The following PIK3AP1 variants were observed in gnomAD, a reference collection of about 807,000 sequenced individuals.
PIK3AP1 encodes phosphoinositide 3-kinase adapter protein 1.
PIK3AP1 carries 21 observed loss-of-function variants against 88.1 expected under a neutral mutation model. The ratio of observed to expected loss-of-function variants is 0.24; its 90% CI spans 0.17 to 0.34. The LOEUF (loss-of-function observed/expected upper bound fraction) is 0.34, where lower values mean the gene tolerates loss of function less well. Among genes scored for constraint, PIK3AP1 ranks in the 10% least tolerant of loss-of-function variants. PIK3AP1 has a pLI of 1.00. For synonymous variants in PIK3AP1, 398 were observed against 400.0 expected, an observed-to-expected ratio of 1.00 and a Z score of 0.06; for missense variants, 828 against 1,035.7, an observed-to-expected ratio of 0.80 and a Z score of 2.75.
intron 8 of PIK3AP1, chr10:96,633,059 T>C (rs41291642): frequency 0.042 from 66,556 of 1,595,618 alleles, 1,658 homozygotes; most frequent in Middle Eastern, 0.089. Context: ...AAAAACCTCA[T>C]GTCCTACAAG....
rs576056833 is a variant in PIK3AP1, at chr10:96,628,363, C to T, written c.1471+35G>A. On this transcript the variant is annotated intron_variant, in intron 9 of 16. Coordinates refer to ENST00000339364, the MANE Select transcript of PIK3AP1 (RefSeq NM_152309.3). ...ATGTCTTGCATTTGTTTCTCTTTTG[C>T]TCTTTTGGCTTCCCTGCTCATGGCT... The T allele has an allele frequency of 5.3e-6, 8 of 1,511,446 alleles. No individual in the cohort carries two copies. The Admixed American group carries it at 8.4e-5, about 16-fold the overall frequency. The allele number at this position is 1,511,446 out of a possible 1,614,324, so 93.6% of individuals were successfully genotyped here.
chr10:96,628,900 A>ATC (rs1843196054), intron 8 of PIK3AP1, among the ~76,000 whole-genome samples: 1 of 26,326 alleles, frequency 3.8e-5, no homozygotes. Flanking sequence ...ATATATATAT[A>ATC]TATATATGTG....
intron 8 of PIK3AP1, among the ~76,000 whole-genome samples, chr10:96,634,513 C>G (rs1341451580): frequency 1.3e-5 from 2 of 152,194 alleles, no homozygotes; most frequent in African/African-American, 4.8e-5. Context: ...CTGACTCTTA[C>G]TAGCTCTGTG....
At chr10:96,622,150 C>G (rs1388673875) in intron 11 of PIK3AP1, among the ~76,000 whole-genome samples, 1 of 152,276 alleles carries the variant, frequency 6.6e-6, no homozygotes, top group Non-Finnish European at 1.5e-5. Context: ...CAGTGGAATC[C>G]TGACACAGGC....
At chr10:96,604,898 T>C (rs866641056) in intron 14 of PIK3AP1, among the ~76,000 whole-genome samples, 20 of 152,044 alleles carry the variant, frequency 1.3e-4, no homozygotes, top group Middle Eastern at 6.8e-3. Flanking sequence ...TTTGCTTTGT[T>C]ACCCAGGCTG....
chr10:96,705,055 T>A lies in PIK3AP1; in HGVS notation c.430+4512A>T, dbSNP rs1213239596. Among the ~76,000 whole-genome samples the A allele has an allele frequency of 4.6e-5, 7 of 152,338 alleles. 1 individual carries two copies. Among genetic ancestry groups the A allele is most frequent in the Admixed American group, 1.3e-4 (2 of 15,298 alleles). On this transcript the variant is annotated intron_variant, in intron 2 of 16. Coordinates refer to ENST00000339364, the MANE Select transcript of PIK3AP1 (RefSeq NM_152309.3). ...AAATAGTCCTTTTTATCAAAAGGTA[T>A]CTCAAAGTTAAGAAAAATAGACATA...
chr10:96,675,202 T>C (rs763765426), intron 2 of PIK3AP1, among the ~76,000 whole-genome samples: 1 of 150,856 alleles, frequency 6.6e-6, no homozygotes, highest in Non-Finnish European at 1.5e-5. Flanking sequence ...CATATAAGGA[T>C]TTTGTCAGGG....
chr10:96,668,392 C>CAG, intron 2 of PIK3AP1, among the ~76,000 whole-genome samples: 1 of 152,210 alleles, frequency 6.6e-6, no homozygotes, highest in South Asian at 2.1e-4. Flanking sequence ...TATTTTGCTT[C>CAG]CATTTTGTTA....
intron 14 of PIK3AP1, among the ~76,000 whole-genome samples, chr10:96,604,596 G>A (rs1289213559): frequency 6.6e-6 from 1 of 152,002 alleles, no homozygotes; most frequent in Non-Finnish European, 1.5e-5. Flanking sequence ...CATTGACTGA[G>A]GGCTTTGAAA....
intron 10 of PIK3AP1, 125 bp from the exon 11 acceptor site, chr10:96,623,662 G>T (rs1843117924): frequency 1.3e-6 from 1 of 787,474 alleles, no homozygotes; most frequent in Non-Finnish European, 2.0e-6. Flanking sequence ...GTAGAAAGAG[G>T]CAATTAATGA....
intron 16 of PIK3AP1, among the ~76,000 whole-genome samples, chr10:96,599,957 T>C (rs2134178205): frequency 6.6e-6 from 1 of 152,294 alleles, no homozygotes; most frequent in Admixed American, 6.5e-5. Flanking sequence ...TTGGAACCTG[T>C]TTCCCCGGTT....
rs1237330213 is a variant in PIK3AP1 at position 96,623,498 on chromosome 10, T to C, written c.1709A>G (p.Tyr570Cys). ...TTTCCTGATGCTCTCTGAGGAAACG[T>C]AGAAATTCCCAGGCCGCTCTTGACT... is the stretch of plus-strand genomic sequence containing the variant. ...EKSQERPGNF[Y>C]VSSESIRKGP... Residue 570 changes from tyrosine (Y) to cysteine (C), a missense_variant, in exon 11 of 17, where the codon TAC becomes TGC. Transcript: ENST00000339364. 1.9e-6 allele frequency: 3 copies of C among 1,612,356 alleles called. No homozygotes were observed. The highest frequency in any genetic ancestry group is 1.1e-5 in the South Asian group (1 of 91,046).
chr10:96,616,516 G>A lies in PIK3AP1; in HGVS notation c.2014+123C>T, dbSNP rs371100549. Reference sequence around the variant, plus strand: ...ACAGTCTAGTGGGGGACCCAGATCTGTAAACAGTATGACGAGTGCTGGGCA... The same window carrying A: ...ACAGTCTAGTGGGGGACCCAGATCTATAAACAGTATGACGAGTGCTGGGCA... On this transcript the variant is annotated intron_variant, in intron 13 of 16. Coordinates refer to ENST00000339364, the MANE Select transcript of PIK3AP1 (RefSeq NM_152309.3). 19 of 997,532 alleles carry A rather than the reference G, an allele frequency of 1.9e-5. No individual in the cohort carries two copies. The East Asian group carries it at 2.4e-4, about 13-fold the overall frequency. The allele number at this position is 997,532 out of a possible 1,614,324, so 61.8% of individuals were successfully genotyped here.
chr10:96,632,937 G>A, intron 8 of PIK3AP1: 1 of 1,612,758 alleles, frequency 6.2e-7, no homozygotes, highest in Non-Finnish European at 8.5e-7. Flanking sequence ...AAAGATAAAG[G>A]ACACAAGCTA....
chr10:96,720,501 CCGG>C lies in PIK3AP1; in HGVS notation c.-110_-108del. Reference sequence around the variant, plus strand: ...GAGGGGCGCCGGGCTCCGCGCGGGACCGGCCGCCGCTCTGGCGCTTCCTCCCTC... The same window carrying C: ...GAGGGGCGCCGGGCTCCGCGCGGGACCCGCCGCTCTGGCGCTTCCTCCCTC... On this transcript the variant is annotated 5_prime_UTR_variant, in exon 1 of 17. Coordinates refer to ENST00000339364, the MANE Select transcript of PIK3AP1 (RefSeq NM_152309.3). This position sits in a 1 kb window ranked among gnomAD's most constrained non-coding sequence, Gnocchi z 4.6. 9.6e-7 allele frequency: 1 copy of C among 1,041,932 alleles called. No homozygotes were observed. The highest frequency in any genetic ancestry group is 1.2e-6 in the Non-Finnish European group (1 of 828,322). The allele number at this position is 1,041,932 out of a possible 1,614,324, so 64.5% of individuals were successfully genotyped here. A position where few individuals can be genotyped will look rare whatever the true frequency, so the allele number is the denominator to read the frequency against.
chr10:96,718,413 G>A (rs1844530375), intron 1 of PIK3AP1, among the ~76,000 whole-genome samples: 1 of 152,232 alleles, frequency 6.6e-6, no homozygotes. Context: ...TCTCACCACT[G>A]TGATCTTCCC....
In PIK3AP1 at chr10:96,652,818, C is replaced by T; in HGVS notation, c.592G>A (p.Val198Met). The T allele has an allele frequency of 6.2e-7, 1 of 1,613,924 alleles. No homozygotes were observed. Among genetic ancestry groups the T allele is most frequent in the Non-Finnish European group, 8.5e-7 (1 of 1,180,004 alleles). ...CGAETTVYVI[V>M]RCKLDDRVAT... is the part of the protein sequence containing the mutation. ...ACCCTGTCATCCAGCTTACATCTCACAATAACATAGACAGTGGTTTCTGCC... is the reference window on the plus strand; with the variant it reads ...ACCCTGTCATCCAGCTTACATCTCATAATAACATAGACAGTGGTTTCTGCC... The change falls in exon 4 of 17, where the codon GTG (valine) becomes ATG (methionine). Residue 198 changes from valine (V) to methionine (M), a missense_variant. By Grantham distance (21) the Val-to-Met change is conservative. Around this residue, in one of 3 missense-constraint regions of PIK3AP1, gnomAD observed 610 missense variants for 760.1 expected, o/e 0.80. Coordinates refer to ENST00000339364, the MANE Select transcript of PIK3AP1 (RefSeq NM_152309.3).
intron 7 of PIK3AP1, 77 bp downstream of exon 7, chr10:96,648,582 C>G (rs1040459113): frequency 7.0e-7 from 1 of 1,429,984 alleles, no homozygotes; most frequent in Non-Finnish European, 9.4e-7. Flanking sequence ...AAAATCTGTT[C>G]GTATTTTGGG....
chr10:96,659,269 T>C (rs1021117354), intron 2 of PIK3AP1, among the ~76,000 whole-genome samples: 2 of 152,172 alleles, frequency 1.3e-5, no homozygotes, highest in African/African-American at 2.4e-5. Context: ...TTACTTAAAA[T>C]AGAAAGAAGC....
Sources: gnomAD v4.1 joint callset for allele counts (sites outside exome capture counted in the v4.1 genomes callset) on GRCh38, gnomAD v4.1.1 for gene constraint, gnomAD v4.1.1 regional missense constraint, Gnocchi (gnomAD v3.1) non-coding constraint, MANE v1.5 for transcripts, NCBI Gene and HGNC (gene_info 2026-07-23, HGNC 2026-07-21) for gene names.